The following EMID1 variants were observed in gnomAD, a reference collection of about 807,000 sequenced individuals.
EMID1 encodes the protein EMI domain containing 1, also known as EMI domain-containing protein 1.
EMID1 carries 40 observed loss-of-function variants against 60.6 expected under a neutral mutation model. The observed-to-expected ratio is 0.66, with a 90% CI of 0.51 to 0.86. The LOEUF is 0.86. EMID1 is among the 40% of genes least tolerant of loss of function. The probability of loss-of-function intolerance (pLI) is 0.00; values close to 1 mark genes in which losing one functional copy is unlikely to be tolerated. For missense variants in EMID1, 585 were observed against 597.1 expected, an observed-to-expected ratio of 0.98 and a Z score of 0.21; for synonymous variants, 242 against 231.0, an observed-to-expected ratio of 1.05 and a Z score of -0.43.
At chr22:29,250,492 T>TAGGAAGCTCATGATGTCAGCTTGTC (rs1473414330) in intron 13 of EMID1, among the ~76,000 whole-genome samples, 2 of 152,202 alleles carry the variant, frequency 1.3e-5, no homozygotes, top group Non-Finnish European at 2.9e-5. Flanking sequence ...TGTACCTCGT[T>TAGGAAGCTCATGATGTCAGCTTGTC]AGGAAGCTCA....
intron 4 of EMID1, chr22:29,226,284 A>G: frequency 2.1e-6 from 1 of 471,998 alleles, no homozygotes; most frequent in Non-Finnish European, 3.7e-6. Flanking sequence ...GCCACTCTGG[A>G]GGCTCCAGTG....
chr22:29,252,046 T>G (rs1048363338), intron 13 of EMID1, among the ~76,000 whole-genome samples: 2 of 152,196 alleles, frequency 1.3e-5, no homozygotes, highest in Admixed American at 6.5e-5. Flanking sequence ...TAGCCTCAGG[T>G]GATGCTCCCA....
chr22:29,251,208 A>G (rs985374610), intron 13 of EMID1, among the ~76,000 whole-genome samples: 2 of 151,730 alleles, frequency 1.3e-5, no homozygotes, highest in Admixed American at 6.6e-5. Flanking sequence ...CAGCCTCCCA[A>G]GTAGCCAGGA....
chr22:29,221,124 T>TGTGTGTGTGTG (rs2040280672), intron 3 of EMID1, among the ~76,000 whole-genome samples: 1 of 80,698 alleles, frequency 1.2e-5, no homozygotes, highest in African/African-American at 4.4e-5. Flanking sequence ...TGTGTGTGTG[T>TGTGTGTGTGTG]AGGGCACGTG....
At chr22:29,243,986 G>A (rs1360109469) in intron 13 of EMID1, among the ~76,000 whole-genome samples, 3 of 152,228 alleles carry the variant, frequency 2.0e-5, no homozygotes, top group Non-Finnish European at 4.4e-5. Context: ...TGGTAAAAAG[G>A]ACAGGGAACT....
At chr22:29,241,797 T>G (rs1158901739) in intron 12 of EMID1, among the ~76,000 whole-genome samples, 1 of 152,066 alleles carries the variant, frequency 6.6e-6, no homozygotes, top group Non-Finnish European at 1.5e-5. Flanking sequence ...CCAAACATTT[T>G]TTTCTGTTTC....
At chr22:29,229,943 G>C (rs539536364) in intron 5 of EMID1, among the ~76,000 whole-genome samples, 1 of 152,348 alleles carries the variant, frequency 6.6e-6, no homozygotes, top group East Asian at 1.9e-4. Context: ...GACACTTCCA[G>C]CTTCCCAGAG....
intron 5 of EMID1, among the ~76,000 whole-genome samples, chr22:29,228,144 GA>G (rs1308711710): frequency 8.4e-6 from 1 of 118,990 alleles, no homozygotes; most frequent in Non-Finnish European, 1.7e-5. Flanking sequence ...CAACAAGAAC[GA>G]AACTCCATCT....
intron 1 of EMID1, among the ~76,000 whole-genome samples, chr22:29,211,221 A>C (rs1352781734): frequency 6.6e-6 from 1 of 151,854 alleles, no homozygotes; most frequent in Non-Finnish European, 1.5e-5. Context: ...AGAGCCGATG[A>C]GTGTGTGTAT....
chr22:29,233,439 C>A lies in EMID1; in HGVS notation c.884C>A (p.Thr295Asn). 6.2e-7 allele frequency: 1 copy of A among 1,614,228 alleles called. No homozygotes were observed. The highest frequency in any genetic ancestry group is 2.2e-5 in the East Asian group (1 of 44,894). Residue 295 changes from threonine (T) to asparagine (N), a missense_variant, in exon 9 of 15, where the codon ACT becomes AAT. Coordinates refer to ENST00000334018, the MANE Select transcript of EMID1 (RefSeq NM_133455.4). ...ETNNHWPQGPTGPPGPPGPMG... is the reference protein window; with the variant it reads ...ETNNHWPQGPNGPPGPPGPMG... ...AACAACCACTGGCCCCAGGGACCCA[C>A]TGGGCCTCCAGGCCCTCCAGGGCCC...
At chr22:29,227,503 G>A (rs957806429) in intron 5 of EMID1, among the ~76,000 whole-genome samples, 2 of 151,782 alleles carry the variant, frequency 1.3e-5, no homozygotes, top group Non-Finnish European at 1.5e-5. Context: ...CCAAGAGTTC[G>A]AGACCATTCT....
intron 12 of EMID1, among the ~76,000 whole-genome samples, chr22:29,237,203 G>T: frequency 8.4e-6 from 1 of 119,026 alleles, no homozygotes; most frequent in Non-Finnish European, 1.7e-5. Flanking sequence ...TTTCTTTTGA[G>T]AGAGAGTCTT....
At chr22:29,249,210 A>T (rs528573881) in intron 13 of EMID1, among the ~76,000 whole-genome samples, 4 of 152,116 alleles carry the variant, frequency 2.6e-5, no homozygotes, top group Admixed American at 1.3e-4. Context: ...TGTAAATGTT[A>T]CCAGTTGTCC....
At chr22:29,249,853 G>T (rs866107349) in intron 13 of EMID1, among the ~76,000 whole-genome samples, 4 of 151,952 alleles carry the variant, frequency 2.6e-5, no homozygotes, top group Non-Finnish European at 5.9e-5. Context: ...GATCTCAGTT[G>T]ATCTGCCCGC....
chr22:29,228,150 C>T lies in EMID1; in HGVS notation c.465+1599C>T, dbSNP rs550214421. Among the ~76,000 whole-genome samples, 49 of 141,016 alleles carry T rather than the reference C, an allele frequency of 3.5e-4. 3 individuals are homozygous for T. The East Asian group carries it at 9.2e-3, about 26-fold the overall frequency. The allele number at this position is 141,016 out of a possible 152,430, so 92.5% of individuals were successfully genotyped here. On this transcript the variant is annotated intron_variant, in intron 5 of 14. Coordinates refer to ENST00000334018, the MANE Select transcript of EMID1 (RefSeq NM_133455.4). Reference sequence around the variant, plus strand: ...CAGCCTGGGCAACAAGAACGAAACTCCATCTCAAAAAAAAAAAAAAAAAAA... The same window carrying T: ...CAGCCTGGGCAACAAGAACGAAACTTCATCTCAAAAAAAAAAAAAAAAAAA...
At chr22:29,206,240 C>A in intron 1 of EMID1, 101 bp downstream of exon 1, 2 of 955,152 alleles carry the variant, frequency 2.1e-6, no homozygotes, top group Non-Finnish European at 2.7e-6. Flanking sequence ...GATCCAGTCC[C>A]CAGCCCGGGT....
At chr22:29,254,916 C>T (rs909797) in intron 14 of EMID1, 129,636 of 197,062 alleles carry the variant, frequency 0.66, 43,478 homozygotes, top group African/African-American at 0.71. Flanking sequence ...CCCATAAGCC[C>T]CCAGAGGCTC....
intron 1 of EMID1, among the ~76,000 whole-genome samples, chr22:29,212,880 A>G (rs1408582731): frequency 6.6e-6 from 1 of 152,144 alleles, no homozygotes; most frequent in East Asian, 1.9e-4. Context: ...TGGCTTTTTA[A>G]TAAGAGTGTG....
In EMID1 at chr22:29,214,940, A is replaced by G; in HGVS notation, c.116A>G (p.Tyr39Cys). Residue 39 changes from tyrosine (Y) to cysteine (C), a missense_variant, in exon 2 of 15, where the codon TAT (tyrosine) becomes TGT (cysteine). By Grantham distance (194) the Tyr-to-Cys change is radical. Coordinates refer to ENST00000334018, the MANE Select transcript of EMID1 (RefSeq NM_133455.4). Reference sequence around the variant, plus strand: ...GTCTGTTTCAGGAACTGGTGCTCCTATGTGGTGACCCGCACCATCTCATGC... The same window carrying G: ...GTCTGTTTCAGGAACTGGTGCTCCTGTGTGGTGACCCGCACCATCTCATGC... ...PFSGRRNWCSYVVTRTISCHV... is the reference protein window; with the variant it reads ...PFSGRRNWCSCVVTRTISCHV... 3 of 1,540,074 alleles carry G rather than the reference A, an allele frequency of 1.9e-6. No homozygotes were observed. The highest frequency in any genetic ancestry group is 1.8e-6 in the Non-Finnish European group (2 of 1,138,198).
Sources: allele counts gnomAD v4.1 joint callset (sites outside exome capture counted in the v4.1 genomes callset), GRCh38; gene constraint gnomAD v4.1.1; transcripts MANE v1.5; gene names NCBI Gene and HGNC (gene_info 2026-07-23, HGNC 2026-07-21).